Variants in PIEZO2 observed in about 807,000 individuals in gnomAD.
PIEZO2 encodes piezo type mechanosensitive ion channel component 2.
In PIEZO2, 172 loss-of-function variants were observed where a neutral mutation model predicts 337.3. The ratio of observed to expected loss-of-function variants is 0.51; its 90% confidence interval spans 0.45 to 0.58. PIEZO2 has a LOEUF of 0.58. Ranked by LOEUF, PIEZO2 falls within the 20% of genes least tolerant of loss-of-function variation. The pLI is 0.00. For synonymous variants in PIEZO2, 1,251 were observed against 1,228.5 expected, an observed-to-expected ratio of 1.02 and a Z score of -0.38; for missense variants, 3,028 against 3,391.3, an observed-to-expected ratio of 0.89 and a Z score of 2.66.
chr18:10,970,959 C>T (rs1360402599), intron 3 of PIEZO2, among the ~76,000 whole-genome samples: 1 of 152,124 alleles, frequency 6.6e-6, no homozygotes, highest in Non-Finnish European at 1.5e-5. Context: ...CAGAAAAGCT[C>T]TACATTAATC....
intron 2 of PIEZO2, among the ~76,000 whole-genome samples, chr18:11,049,194 G>A (rs1358396729): frequency 6.6e-6 from 1 of 152,172 alleles, no homozygotes; most frequent in African/African-American, 2.4e-5. Flanking sequence ...TATCAGGCCT[G>A]ATGAGTTCTT....
Position 11,091,574 on chromosome 18 carries a change from G to A in PIEZO2, c.65-25352C>T, listed in dbSNP as rs148733961. Among the ~76,000 whole-genome samples, 58 of 152,146 alleles carry A rather than the reference G, an allele frequency of 3.8e-4. No individual in the cohort carries two copies. In the East Asian group the frequency reaches 9.6e-3, roughly 25 times the overall value. On this transcript the variant is annotated intron_variant, in intron 1 of 55. Coordinates refer to ENST00000674853, the MANE Select transcript of PIEZO2 (RefSeq NM_001378183.1). ...TAACAAACAAGTGATTGAACAAAAC[G>A]TCATTTGGTGTGATTCTGGCTCTGT...
intron 2 of PIEZO2, among the ~76,000 whole-genome samples, chr18:10,995,004 G>A (rs960425508): frequency 2.8e-5 from 4 of 145,044 alleles, no homozygotes; most frequent in South Asian, 4.3e-4. Context: ...CCCGGGAGGC[G>A]GAGGTTGCAG....
intron 3 of PIEZO2, among the ~76,000 whole-genome samples, chr18:10,965,446 G>C (rs2033959871): frequency 6.6e-6 from 1 of 152,184 alleles, no homozygotes; most frequent in African/African-American, 2.4e-5. Flanking sequence ...GTACACTGGA[G>C]TGAGGCTGTC....
chr18:10,831,803 A>C (rs2040850281), intron 7 of PIEZO2, among the ~76,000 whole-genome samples: 1 of 152,196 alleles, frequency 6.6e-6, no homozygotes, highest in Non-Finnish European at 1.5e-5. Context: ...ACAAAAATTA[A>C]AAATGAAAAA....
chr18:10,814,113 G>A (rs961177829), intron 7 of PIEZO2, among the ~76,000 whole-genome samples: 3 of 151,522 alleles, frequency 2.0e-5, no homozygotes, highest in Non-Finnish European at 2.9e-5. Flanking sequence ...GACTACAGGC[G>A]CCCACCACCA....
At chr18:10,811,936 C>T (rs2040205445) in intron 7 of PIEZO2, among the ~76,000 whole-genome samples, 1 of 152,200 alleles carries the variant, frequency 6.6e-6, no homozygotes, top group Admixed American at 6.5e-5. Flanking sequence ...CGGGTTCACA[C>T]CATTCTCCTG....
chr18:10,960,151 G>A (rs954318722), intron 3 of PIEZO2, among the ~76,000 whole-genome samples: 3 of 152,104 alleles, frequency 2.0e-5, no homozygotes, highest in Non-Finnish European at 1.5e-5. Context: ...TTTTATTGAA[G>A]TTATAAAATC....
At position 10,866,521 on chromosome 18, in the gene PIEZO2, G is replaced by A. The variant is rs1162765850; in HGVS notation, c.492+4732C>T. On this transcript the variant is annotated intron_variant, in intron 5 of 55. Transcript: ENST00000674853. ...AGGATGGTCTCAATATCCCGACCTC[G>A]TGATCTGCCCACCTTGCCCTCCCAA... 2.6e-5 allele frequency among the ~76,000 whole-genome samples: 4 copies of A among 152,146 alleles called. No individual in the cohort carries two copies. In the South Asian group the frequency reaches 6.2e-4, roughly 24 times the overall value.
intron 2 of PIEZO2, among the ~76,000 whole-genome samples, chr18:11,000,759 G>A (rs577783054): frequency 1.3e-5 from 2 of 152,364 alleles, no homozygotes; most frequent in East Asian, 3.9e-4. Context: ...GAGACTGAGT[G>A]CAGGATGTTT....
chr18:11,141,988 T>C (rs2040662947), intron 1 of PIEZO2, among the ~76,000 whole-genome samples: 1 of 152,222 alleles, frequency 6.6e-6, no homozygotes, highest in Non-Finnish European at 1.5e-5. Context: ...AATTTGCAAG[T>C]TCATATACAA....
intron 26 of PIEZO2, among the ~76,000 whole-genome samples, chr18:10,758,476 C>T (rs764726738): frequency 1.3e-5 from 2 of 151,932 alleles, no homozygotes; most frequent in Admixed American, 1.3e-4. Flanking sequence ...GACAGAGTCT[C>T]GCTCTGTCGC....
chr18:11,134,039 C>T (rs934934842), intron 1 of PIEZO2, among the ~76,000 whole-genome samples: 3 of 151,944 alleles, frequency 2.0e-5, no homozygotes, highest in East Asian at 3.9e-4. Flanking sequence ...TTAAGTGCAA[C>T]GAGAAAGTGC....
chr18:10,967,014 TTTTG>T (rs1198943040), intron 3 of PIEZO2, among the ~76,000 whole-genome samples: 9 of 143,138 alleles, frequency 6.3e-5, no homozygotes, highest in African/African-American at 2.5e-4. Flanking sequence ...TTTCTCTGTT[TTTTG>T]TTTTTTTTTT....
chr18:11,106,126 C>G (rs375883804), intron 1 of PIEZO2, among the ~76,000 whole-genome samples: 1 of 151,980 alleles, frequency 6.6e-6, no homozygotes, highest in Non-Finnish European at 1.5e-5. Context: ...CTGGCTCTGT[C>G]GCCCAGGCTG....
chr18:10,895,023 G>A lies in PIEZO2; in HGVS notation c.329+16163C>T, dbSNP rs188816741. On this transcript the variant is annotated intron_variant, in intron 4 of 55. Coordinates refer to ENST00000674853, the MANE Select transcript of PIEZO2 (RefSeq NM_001378183.1). The surrounding 1 kb of genome is among the most constrained non-coding windows in gnomAD (Gnocchi z 4.8). ...AGAGTCTGTAATGAAGAATTTGCCC[G>A]TGCTCTTGCATGGTCATTCCTCCCC... 2.2e-4 allele frequency among the ~76,000 whole-genome samples: 34 copies of A among 152,284 alleles called. 1 individual carries two copies. The Middle Eastern group carries it at 0.01, about 46-fold the overall frequency.
Position 10,759,651 on chromosome 18 carries a change from G to A in PIEZO2, c.3655+54C>T, listed in dbSNP as rs1036723670. 7.8e-6 allele frequency: 12 copies of A among 1,534,868 alleles called. No homozygotes were observed. The highest frequency in any genetic ancestry group is 1.7e-4 in the Middle Eastern group (1 of 6,010). On this transcript the variant is annotated intron_variant, in intron 25 of 55. Transcript: ENST00000674853. The surrounding 1 kb of genome is among the most constrained non-coding windows in gnomAD (Gnocchi z 5.5). ...TTCACCACTCTTCTCCCAGCCGTCC[G>A]CTCAGTAATGGCTTCTTCTAAAAGT... is the stretch of plus-strand genomic sequence containing the variant.
rs1333628078 is a variant in PIEZO2 at position 11,099,599 on chromosome 18, G to A, written c.65-33377C>T. Among the ~76,000 whole-genome samples, 8 of 152,124 alleles carry A rather than the reference G, an allele frequency of 5.3e-5. No homozygotes were observed. The South Asian group carries it at 8.3e-4, about 16-fold the overall frequency. On this transcript the variant is annotated intron_variant, in intron 1 of 55. Coordinates refer to ENST00000674853, the MANE Select transcript of PIEZO2 (RefSeq NM_001378183.1). The surrounding 1 kb of genome is among the most constrained non-coding windows in gnomAD (Gnocchi z 5.4). ...CTCTGGCCTTAGCCTCCCGAGTAGC[G>A]GGGATCACAGGTGCCTGCCACCATG... is the stretch of plus-strand genomic sequence containing the variant.
rs555710597 is a variant in PIEZO2, at chr18:10,775,264, C to T, written c.2535-1226G>A. On this transcript the variant is annotated intron_variant, in intron 18 of 55. Coordinates refer to ENST00000674853, the MANE Select transcript of PIEZO2 (RefSeq NM_001378183.1). The surrounding 1 kb of genome is among the most constrained non-coding windows in gnomAD (Gnocchi z 4.3). ...GTTAGCTACTCTTAAAATTGCAACC[C>T]ATATCTTCTATACCAGTGCCACACA... 7.9e-4 allele frequency among the ~76,000 whole-genome samples: 120 copies of T among 152,268 alleles called. No individual in the cohort carries two copies. The highest frequency in any genetic ancestry group is 2.8e-3 in the African/African-American group (115 of 41,550).
Sources: gnomAD v4.1 joint callset for allele counts (sites outside exome capture counted in the v4.1 genomes callset) on GRCh38, gnomAD v4.1.1 for gene constraint, Gnocchi (gnomAD v3.1) non-coding constraint, MANE v1.5 for transcripts, NCBI Gene and HGNC (gene_info 2026-07-23, HGNC 2026-07-21) for gene names.